KNL1: variants seen among roughly 807,000 people sequenced by gnomAD.
KNL1 encodes the protein outer kinetochore KNL1 complex subunit KNL1.
KNL1 carries 66 observed loss-of-function variants against 201.3 expected under a neutral mutation model. The ratio of observed to expected loss-of-function variants is 0.33; its 90% confidence interval spans 0.27 to 0.40. The LOEUF is 0.40. Ranked by LOEUF, KNL1 falls within the 10% of genes least tolerant of loss-of-function variation. The probability of loss-of-function intolerance (pLI) is 1.00; values close to 1 mark genes in which losing one functional copy is unlikely to be tolerated. For missense variants in KNL1, 2,815 were observed against 2,690.5 expected (o/e 1.05, Z -1.02); for synonymous variants, 895 against 899.2 (o/e 1.00, Z 0.08).
chr15:40,649,617 A>G (rs1893494175), intron 17 of KNL1, among the ~76,000 whole-genome samples: 1 of 149,922 alleles, frequency 6.7e-6, no homozygotes, highest in African/African-American at 2.5e-5. Flanking sequence ...TAAAAAAAAA[A>G]AAAGAGAGGC....
rs548619172 is a variant in KNL1 at position 40,611,928 on chromosome 15, C to T, written c.284+417C>T. On this transcript the variant is annotated intron_variant, in intron 7 of 25. Coordinates refer to ENST00000399668, the MANE Select transcript of KNL1 (RefSeq NM_144508.5). ...GACGTGGTGGCTCATGCCTGTAATCCGAGCACTTTGGGAGGCCGAGGCTGG... is the reference window on the plus strand; with the variant it reads ...GACGTGGTGGCTCATGCCTGTAATCTGAGCACTTTGGGAGGCCGAGGCTGG... Among the ~76,000 whole-genome samples, 7 of 152,136 alleles carry T rather than the reference C, an allele frequency of 4.6e-5. No individual in the cohort carries two copies. The South Asian group carries it at 1.0e-3, about 23-fold the overall frequency.
At chr15:40,603,989 G>GT (rs1891893576) in intron 2 of KNL1, among the ~76,000 whole-genome samples, 1 of 152,190 alleles carries the variant, frequency 6.6e-6, no homozygotes, top group African/African-American at 2.4e-5. Context: ...AGGCACCCTG[G>GT]TGGGAGTGTC....
chr15:40,601,628 G>A (rs996034142), intron 1 of KNL1, among the ~76,000 whole-genome samples: 2 of 151,750 alleles, frequency 1.3e-5, no homozygotes, highest in East Asian at 2.0e-4. Context: ...TCAGGAGATC[G>A]AGACCACGGT....
intron 24 of KNL1, among the ~76,000 whole-genome samples, chr15:40,659,033 A>T (rs1893825407): frequency 1.3e-5 from 2 of 152,244 alleles, no homozygotes; most frequent in South Asian, 4.1e-4. Flanking sequence ...CACTCCTGTA[A>T]TCCCAACACT....
chr15:40,625,447 C>G lies in KNL1; in HGVS notation c.5183C>G (p.Ser1728Cys). 2 of 1,613,894 alleles carry G rather than the reference C, an allele frequency of 1.2e-6. No individual in the cohort carries two copies. The highest frequency in any genetic ancestry group is 1.1e-5 in the South Asian group (1 of 91,056). Residue 1728 changes from serine (S) to cysteine (C), a missense_variant, in exon 10 of 26, where the codon TCT (serine) becomes TGT (cysteine). Ser to Cys is a moderately radical substitution (Grantham distance 112, BLOSUM62 -1). Coordinates refer to ENST00000399668, the MANE Select transcript of KNL1 (RefSeq NM_144508.5). The stretch of plus-strand genomic sequence containing the variant: ...CCTGATGAGATCAATTCTTCAGACT[C>G]TATTAACATAGAAACTGAGGAAAAG... ...VYPDEINSSDSINIETEEKAL... is the reference protein window; with the variant it reads ...VYPDEINSSDCINIETEEKAL...
intron 12 of KNL1, 79 bp from the exon 13 acceptor site, chr15:40,629,194 C>A: frequency 1.3e-6 from 1 of 767,318 alleles, no homozygotes; most frequent in Non-Finnish European, 2.1e-6. Flanking sequence ...ATACCTTAAG[C>A]TTTTAGAAAC....
At chr15:40,630,055 G>T (rs1048162523) in intron 13 of KNL1, among the ~76,000 whole-genome samples, 5 of 152,136 alleles carry the variant, frequency 3.3e-5, no homozygotes, top group African/African-American at 1.2e-4. Flanking sequence ...ACTGGATACA[G>T]TGGCAGGTGC....
chr15:40,629,785 G>A (rs1442177504), intron 13 of KNL1, among the ~76,000 whole-genome samples: 1 of 151,976 alleles, frequency 6.6e-6, no homozygotes, highest in Admixed American at 6.6e-5. Flanking sequence ...ACAAGCGTGA[G>A]CCACTGCGCC....
At chr15:40,611,563 ATTTC>A (rs1193075866) in intron 7 of KNL1, 52 bp downstream of exon 7, 1 of 179,220 alleles carries the variant, frequency 5.6e-6, no homozygotes, top group Non-Finnish European at 1.3e-5. Flanking sequence ...TATTATTTTT[ATTTC>A]TTATTTTTGT....
intron 13 of KNL1, among the ~76,000 whole-genome samples, chr15:40,635,898 G>T (rs1021101255): frequency 6.6e-6 from 1 of 151,870 alleles, no homozygotes; most frequent in Admixed American, 6.6e-5. Context: ...ACGGAGTCTC[G>T]CTCTGTCACC....
intron 21 of KNL1, among the ~76,000 whole-genome samples, chr15:40,653,509 A>G (rs907400730): frequency 6.6e-6 from 1 of 152,112 alleles, no homozygotes; most frequent in African/African-American, 2.4e-5. Flanking sequence ...TTAATTTCTT[A>G]ATATTCATCC....
In KNL1 at chr15:40,594,308, G is replaced by A. The variant is rs946861488; in HGVS notation, c.-102G>A. On this transcript the variant is annotated 5_prime_UTR_variant, in exon 1 of 26. Coordinates refer to ENST00000399668, the MANE Select transcript of KNL1 (RefSeq NM_144508.5). ...TGTGAGCGGACTGCTAGAGGCGGCT[G>A]TCTGTTTCCGCTCTAAGGAAACTCA... 5.9e-5 allele frequency: 9 copies of A among 152,418 alleles called. No individual in the cohort carries two copies. The South Asian group carries it at 1.4e-3, about 25-fold the overall frequency. 9.4% of individuals were successfully genotyped at this position (152,418 alleles called of 1,614,324 possible). A position where few individuals can be genotyped will look rare whatever the true frequency, so the allele number is the denominator to read the frequency against.
intron 21 of KNL1, among the ~76,000 whole-genome samples, chr15:40,652,594 A>AC (rs1429968379): frequency 1.3e-5 from 2 of 151,218 alleles, no homozygotes; most frequent in South Asian, 2.1e-4. Context: ...ACATGGTGAG[A>AC]CCCCATCTCT....
chr15:40,618,523 A>G (rs1245923480), intron 8 of KNL1, among the ~76,000 whole-genome samples: 1 of 152,118 alleles, frequency 6.6e-6, no homozygotes, highest in East Asian at 1.9e-4. Flanking sequence ...GAAGTGAATA[A>G]TAATAATAAT....
At chr15:40,617,975 TAAAAAAAAAAAAAAAAAAAAAAAAAA>T (rs71104706) in intron 8 of KNL1, among the ~76,000 whole-genome samples, 10 of 47,230 alleles carry the variant, frequency 2.1e-4, no homozygotes, top group Admixed American at 3.5e-4. Flanking sequence ...AGGCTTTTAG[TAAAAAAAAAAAAAAAAAAAAAAAAAA>T]AAAAAAAAAA....
intron 9 of KNL1, 127 bp downstream of exon 9, chr15:40,619,138 GCTTCC>G: frequency 1.5e-6 from 1 of 688,058 alleles, no homozygotes; most frequent in Non-Finnish European, 2.6e-6. Context: ...AACTGGAAAG[GCTTCC>G]TACCTTTCCA....
At chr15:40,618,882 G>A in intron 8 of KNL1, 77 bp from the exon 9 acceptor site, 2 of 871,928 alleles carry the variant, frequency 2.3e-6, no homozygotes, top group East Asian at 2.5e-5. Flanking sequence ...ACTTGTAACT[G>A]ATGAAGAACC....
rs1313119193 is a variant in KNL1, at chr15:40,623,170, G to A, written c.2906G>A (p.Arg969Lys). Residue 969 changes from arginine (R) to lysine (K), a missense_variant, in exon 10 of 26, where the codon AGA (arginine) becomes AAA (lysine). Around this residue, in one of 3 missense-constraint regions of KNL1, gnomAD observed 2,464 missense variants for 2,291.7 expected, o/e 1.08. Transcript: ENST00000399668. ...TTCATTGACTACCAAGAAAAGGAAA[G>A]AACAGACAGACCTAACTTTGAACTA... ...TVFIDYQEKE[R>K]TDRPNFELSQ... is the part of the protein sequence containing the mutation. 6.2e-7 allele frequency: 1 copy of A among 1,613,902 alleles called. No individual in the cohort carries two copies. Among genetic ancestry groups the A allele is most frequent in the Admixed American group, 1.7e-5 (1 of 59,998 alleles).
At position 40,629,802 on chromosome 15, in the gene KNL1, A is replaced by C. The variant is rs541318442; in HGVS notation, c.5682+431A>C. On this transcript the variant is annotated intron_variant, in intron 13 of 25. Coordinates refer to ENST00000399668, the MANE Select transcript of KNL1 (RefSeq NM_144508.5). ...AAGCGTGAGCCACTGCGCCCGGCCG[A>C]GAGTTTTCTTATAGTAGAGAGATTT... Among the ~76,000 whole-genome samples the C allele has an allele frequency of 4.9e-4, 74 of 151,910 alleles. 1 individual carries two copies. The South Asian group carries it at 0.011, about 24-fold the overall frequency.
Sources: allele counts gnomAD v4.1 joint callset (sites outside exome capture counted in the v4.1 genomes callset), GRCh38; gene constraint gnomAD v4.1.1; regional missense constraint gnomAD v4.1.1; transcripts MANE v1.5; gene names NCBI Gene and HGNC (gene_info 2026-07-23, HGNC 2026-07-21).